PRKCH: variants seen among roughly 807,000 people sequenced by gnomAD.
The protein encoded by PRKCH is protein kinase C eta type.
PRKCH carries 28 observed loss-of-function variants against 82.5 expected under a neutral mutation model. The ratio of observed to expected loss-of-function variants is 0.34; its 90% CI spans 0.25 to 0.47. The LOEUF is 0.47. PRKCH is among the 20% of genes least tolerant of loss of function. The probability of loss-of-function intolerance (pLI) is 1.00; values close to 1 mark genes in which losing one functional copy is unlikely to be tolerated. For missense variants in PRKCH, 705 were observed against 881.8 expected (o/e 0.80, Z 2.54); for synonymous variants, 322 against 327.4 (o/e 0.98, Z 0.18).
At position 61,451,095 on chromosome 14, in the gene PRKCH, T is replaced by G. The variant is rs1004998392; in HGVS notation, c.832+124T>G. On this transcript the variant is annotated intron_variant, in intron 6 of 13. Coordinates refer to ENST00000332981, the MANE Select transcript of PRKCH (RefSeq NM_006255.5). ...GTTTTAGATATGTTGTAAATCAACA[T>G]CTTAGTCATTTTAAACTTACATGTT... The G allele has an allele frequency of 6.7e-5, 83 of 1,243,484 alleles. 2 individuals are homozygous for G. The Admixed American group carries it at 2.4e-3, about 36-fold the overall frequency. The allele number at this position is 1,243,484 out of a possible 1,614,324, so 77.0% of individuals were successfully genotyped here. A position where few individuals can be genotyped will look rare whatever the true frequency, so the allele number is the denominator to read the frequency against.
At chr14:61,320,963 T>C (rs1283902694), upstream of PRKCH, among the ~76,000 whole-genome samples, 1 of 152,178 alleles carries the variant, frequency 6.6e-6, no homozygotes, top group African/African-American at 2.4e-5. Context: ...AGAACCGACC[T>C]TTCCTGCTCT....
intron 1 of PRKCH, among the ~76,000 whole-genome samples, chr14:61,243,602 A>G (rs529848407): frequency 1.3e-5 from 2 of 152,162 alleles, no homozygotes; most frequent in African/African-American, 4.8e-5. Flanking sequence ...GATCTTATTA[A>G]TGGTTTTTGC....
At chr14:61,272,876 C>A (rs896846176) in intron 1 of PRKCH, among the ~76,000 whole-genome samples, 1 of 152,156 alleles carries the variant, frequency 6.6e-6, no homozygotes, top group Non-Finnish European at 1.5e-5. Context: ...CAGGGCGGGA[C>A]TCTCTTTCCT....
At chr14:61,294,307 A>G (rs2045389142) in intron 1 of PRKCH, among the ~76,000 whole-genome samples, 1 of 151,918 alleles carries the variant, frequency 6.6e-6, no homozygotes, top group South Asian at 2.1e-4. Context: ...TTTTTAGTAG[A>G]GATGGGGTTT....
chr14:61,328,100 A>C (rs1470236829), intron 1 of PRKCH, among the ~76,000 whole-genome samples: 1 of 150,888 alleles, frequency 6.6e-6, no homozygotes, highest in Non-Finnish European at 1.5e-5. Context: ...AATACAAAAA[A>C]TTAGCCGGGC....
intron 1 of PRKCH, among the ~76,000 whole-genome samples, chr14:61,188,086 T>A (rs2044376499): frequency 6.6e-6 from 1 of 152,200 alleles, no homozygotes; most frequent in Non-Finnish European, 1.5e-5. Context: ...GTTGGGAGGA[T>A]TAGGTGAGAT....
intron 1 of PRKCH, among the ~76,000 whole-genome samples, chr14:61,372,172 G>A (rs2046371530): frequency 6.6e-6 from 1 of 151,924 alleles, no homozygotes. Context: ...CCCATCCCTA[G>A]AATCAGTTAT....
At chr14:61,421,044 CAG>C (rs2140245493) in intron 2 of PRKCH, among the ~76,000 whole-genome samples, 1 of 151,728 alleles carries the variant, frequency 6.6e-6, no homozygotes, top group East Asian at 1.9e-4. Flanking sequence ...GAACTGAAAA[CAG>C]AGCCTCAACA....
chr14:61,314,406 A>G (rs2045546418), intron 1 of PRKCH, among the ~76,000 whole-genome samples: 1 of 152,204 alleles, frequency 6.6e-6, no homozygotes, highest in Non-Finnish European at 1.5e-5. Context: ...AATTAGCCAT[A>G]GAAGAGATTT....
chr14:61,545,438 G>A (rs1292417497), intron 12 of PRKCH, among the ~76,000 whole-genome samples: 1 of 152,208 alleles, frequency 6.6e-6, no homozygotes, highest in Non-Finnish European at 1.5e-5. Flanking sequence ...CCTGGATGAA[G>A]AGACACTGTC....
chr14:61,512,781 C>G (rs1088684), intron 10 of PRKCH, among the ~76,000 whole-genome samples: 103,815 of 152,000 alleles, frequency 0.68, 40,408 homozygotes, highest in Middle Eastern at 0.87. Flanking sequence ...GCTTTTGTAC[C>G]TACAAGCCCA....
intron 2 of PRKCH, among the ~76,000 whole-genome samples, chr14:61,393,734 T>C (rs536871216): frequency 1.5e-4 from 23 of 152,354 alleles, no homozygotes; most frequent in African/African-American, 5.3e-4. Flanking sequence ...TATCCAGTCA[T>C]CTGGTAGGCT....
intron 1 of PRKCH, among the ~76,000 whole-genome samples, chr14:61,245,149 T>A (rs2044869131): frequency 6.6e-6 from 1 of 152,192 alleles, no homozygotes; most frequent in African/African-American, 2.4e-5. Context: ...GGAGTGGTTA[T>A]GAATTACAGA....
chr14:61,387,067 A>G (rs538305263), intron 1 of PRKCH, among the ~76,000 whole-genome samples: 112 of 152,330 alleles, frequency 7.4e-4, no homozygotes, highest in African/African-American at 2.6e-3. Flanking sequence ...TGGGGGGACA[A>G]CACAGGTGCC....
rs1491304992 is a variant in PRKCH, at chr14:61,529,005, T to TGTGTGTGTGTGC, written c.1434-69_1434-68insTGTGTGTGTGCG. 1,438 of 1,460,412 alleles carry TGTGTGTGTGTGC rather than the reference T, an allele frequency of 9.8e-4. 29 individuals are homozygous for TGTGTGTGTGTGC. In the African/African-American group the frequency reaches 0.018, roughly 19 times the overall value. 90.5% of individuals were successfully genotyped at this position (1,460,412 alleles called of 1,614,324 possible). On this transcript the variant is annotated intron_variant, in intron 10 of 13. Transcript: ENST00000332981. ...GTGTGTGTGTGTGTGTGTGTGTGTG[T>TGTGTGTGTGTGC]GCCCATTCTGAGAGGTGGATGGTTT...
At chr14:61,407,388 TAA>T (rs1882009885) in intron 2 of PRKCH, among the ~76,000 whole-genome samples, 1 of 152,192 alleles carries the variant, frequency 6.6e-6, no homozygotes, top group Non-Finnish European at 1.5e-5. Flanking sequence ...CAGGAGAACA[TAA>T]CAATGCTTGG....
intron 2 of PRKCH, among the ~76,000 whole-genome samples, chr14:61,419,966 C>A (rs1477490757): frequency 6.6e-6 from 1 of 152,198 alleles, no homozygotes; most frequent in East Asian, 1.9e-4. Context: ...CTGTGACTGA[C>A]AGCCCAGTGA....
At chr14:61,224,253 G>A (rs918670444) in intron 1 of PRKCH, among the ~76,000 whole-genome samples, 2 of 152,122 alleles carry the variant, frequency 1.3e-5, no homozygotes, top group Non-Finnish European at 2.9e-5. Flanking sequence ...CAGAAACACT[G>A]TAAAGACAGT....
rs771055666 is a variant in PRKCH at position 61,280,328 on chromosome 14, A to G, written c.-19+92660A>G. The G allele has an allele frequency of 6.2e-7, 1 of 1,613,890 alleles. No homozygotes were observed. The highest frequency in any genetic ancestry group is 2.2e-5 in the East Asian group (1 of 44,872). On this transcript the variant is annotated intron_variant, in intron 1 of 3. Transcript: ENST00000555185. The surrounding 1 kb of genome is among the most constrained non-coding windows in gnomAD (Gnocchi z 5.0). The stretch of plus-strand genomic sequence containing the variant: ...GCGCCCCGCGGCAGCCCGGCCGAGT[A>G]GTTGCCCTGGCGGATGCGCGCGTAC...
Sources: gnomAD v4.1 joint callset for allele counts (sites outside exome capture counted in the v4.1 genomes callset) on GRCh38, gnomAD v4.1.1 for gene constraint, Gnocchi (gnomAD v3.1) non-coding constraint, MANE v1.5 for transcripts, NCBI Gene and HGNC (gene_info 2026-07-23, HGNC 2026-07-21) for gene names.